Variants in PXDNL observed in about 807,000 individuals in gnomAD.
PXDNL encodes probable oxidoreductase PXDNL.
Under a neutral mutation model 150.8 loss-of-function variants are expected in PXDNL, and 145 were observed. The observed-to-expected ratio is 0.96, with a 90% CI of 0.84 to 1.10. The LOEUF (loss-of-function observed/expected upper bound fraction) is 1.10. Ranked by LOEUF, PXDNL falls within the 50% of genes least tolerant of loss-of-function variation. PXDNL has a pLI of 0.00. For synonymous variants in PXDNL, 757 were observed against 725.7 expected (o/e 1.04, Z -0.69); for missense variants, 2,087 against 1,873.9 (o/e 1.11, Z -2.10).
At chr8:51,528,312 C>T (rs771441867) in intron 4 of PXDNL, among the ~76,000 whole-genome samples, 2 of 152,100 alleles carry the variant, frequency 1.3e-5, no homozygotes, top group Non-Finnish European at 2.9e-5. Context: ...AAAGTGTGTT[C>T]ACCATAGTGC....
At chr8:51,776,516 C>T (rs866872559) in intron 1 of PXDNL, among the ~76,000 whole-genome samples, 4 of 152,098 alleles carry the variant, frequency 2.6e-5, no homozygotes, top group Admixed American at 6.5e-5. Context: ...ATTGAATTAT[C>T]GGGGGCTGGT....
chr8:51,708,402 GAA>G (rs1387031141), intron 1 of PXDNL, among the ~76,000 whole-genome samples: 1 of 152,208 alleles, frequency 6.6e-6, no homozygotes, highest in African/African-American at 2.4e-5. Flanking sequence ...CAATGGAGGT[GAA>G]AAGACAATGG....
Position 51,483,668 on chromosome 8 carries a change from A to T in PXDNL, c.499T>A (p.Ser167Thr). 6.6e-7 allele frequency: 1 copy of T among 1,526,106 alleles called. No homozygotes were observed. The highest frequency in any genetic ancestry group is 1.2e-5 in the South Asian group (1 of 81,852). 94.5% of individuals were successfully genotyped at this position (1,526,106 alleles called of 1,614,324 possible). A position where few individuals can be genotyped will look rare whatever the true frequency, so the allele number is the denominator to read the frequency against. The change falls in exon 6 of 23, where the codon TCT (serine) becomes ACT (threonine). Residue 167 changes from serine to threonine, a missense_variant. Ser to Thr is a moderately conservative substitution (Grantham distance 58, BLOSUM62 1). Coordinates refer to ENST00000356297, the MANE Select transcript of PXDNL (RefSeq NM_144651.5). ...AATCTTTTTAATGAATCCAGATTAG[A>T]AAAGCTCCCAGCTGGAATTTTAGAT... ...KLSKIPAGSF[S>T]NLDSLKRLRL... is the part of the protein sequence containing the mutation.
chr8:51,676,696 T>C (rs1369396024), intron 1 of PXDNL, among the ~76,000 whole-genome samples: 5 of 151,676 alleles, frequency 3.3e-5, no homozygotes, highest in African/African-American at 1.2e-4. Context: ...AATGTATCTC[T>C]TGCCAAATGC....
chr8:51,408,772 C>G lies in PXDNL; in HGVS notation c.2852G>C (p.Ser951Thr). The G allele has an allele frequency of 6.3e-7, 1 of 1,579,294 alleles. No homozygotes were observed. The highest frequency in any genetic ancestry group is 2.3e-5 in the East Asian group (1 of 44,240). Residue 951 changes from serine to threonine, a missense_variant, in exon 17 of 23, where the codon AGC becomes ACC. Transcript: ENST00000356297. ...GTGGTCCCCGGCCAGGAAACAGGGG[C>G]TCTCCTGCTCCTGTCGCGCGCACTC... is the stretch of plus-strand genomic sequence containing the variant. Reference protein sequence around the residue: ...PTECARQEQESPCFLAGDHRA... With the variant: ...PTECARQEQETPCFLAGDHRA...
intron 1 of PXDNL, among the ~76,000 whole-genome samples, chr8:51,694,425 C>A (rs1331345425): frequency 6.6e-6 from 1 of 152,188 alleles, no homozygotes; most frequent in Non-Finnish European, 1.5e-5. Context: ...GGATCACTCA[C>A]ATTCAAGCCT....
chr8:51,518,819 G>A (rs1811598998), intron 4 of PXDNL, among the ~76,000 whole-genome samples: 1 of 152,130 alleles, frequency 6.6e-6, no homozygotes, highest in African/African-American at 2.4e-5. Context: ...CACAAAGAAT[G>A]GGCTCGATAG....
intron 2 of PXDNL, among the ~76,000 whole-genome samples, chr8:51,653,075 T>C (rs150287427): frequency 1.2e-3 from 187 of 152,302 alleles, no homozygotes; most frequent in African/African-American, 4.2e-3. Flanking sequence ...ATCATATACA[T>C]GTTTCAGTAG....
intron 1 of PXDNL, among the ~76,000 whole-genome samples, chr8:51,769,645 T>A (rs1258544087): frequency 6.6e-6 from 1 of 152,224 alleles, no homozygotes; most frequent in Admixed American, 6.5e-5. Context: ...AGAACCACCA[T>A]GCCTTAGAAC....
chr8:51,605,557 C>A (rs1164200451), intron 2 of PXDNL, among the ~76,000 whole-genome samples: 4 of 152,012 alleles, frequency 2.6e-5, no homozygotes, highest in African/African-American at 7.2e-5. Context: ...TTGCTAAATA[C>A]ATTTTAAAAT....
intron 12 of PXDNL, among the ~76,000 whole-genome samples, chr8:51,438,170 A>G (rs1809451633): frequency 6.6e-6 from 1 of 152,226 alleles, no homozygotes; most frequent in South Asian, 2.1e-4. Flanking sequence ...CATAGATGAC[A>G]CAAATGAATT....
Position 51,426,665 on chromosome 8 carries a change from G to A in PXDNL, c.1619C>T (p.Pro540Leu), listed in dbSNP as rs750970073. The A allele has an allele frequency of 3.1e-6, 5 of 1,594,226 alleles. No homozygotes were observed. Among genetic ancestry groups the A allele is most frequent in the Admixed American group, 1.7e-5 (1 of 59,164 alleles). Residue 540 changes from proline (P) to leucine (L), a missense_variant, in exon 13 of 23, where the codon CCC becomes CTC. Transcript: ENST00000356297. ...TCTTACCTTATTCCAAGTAATTATG[G>A]GCTGTGGTTCTCCTTGAGCATGACA... ...ISCHAQGEPQPIITWNKEGVQ... is the reference protein window; with the variant it reads ...ISCHAQGEPQLIITWNKEGVQ...
rs527302231 is a variant in PXDNL, at chr8:51,736,122, A to G, written c.164+73059T>C. Among the ~76,000 whole-genome samples, 76 of 152,314 alleles carry G rather than the reference A, an allele frequency of 5.0e-4. No individual in the cohort carries two copies. In the South Asian group the frequency reaches 6.0e-3, roughly 12 times the overall value. Reference sequence around the variant, plus strand: ...CATTTTTCCTGTGATTTTTATGTCTAAATAAATTAAGAGAGGGGATTTCAA... The same window carrying G: ...CATTTTTCCTGTGATTTTTATGTCTGAATAAATTAAGAGAGGGGATTTCAA... On this transcript the variant is annotated intron_variant, in intron 1 of 22. Coordinates refer to ENST00000356297, the MANE Select transcript of PXDNL (RefSeq NM_144651.5).
At chr8:51,364,963 T>C (rs1806869032) in intron 19 of PXDNL, among the ~76,000 whole-genome samples, 1 of 152,168 alleles carries the variant, frequency 6.6e-6, no homozygotes, top group Non-Finnish European at 1.5e-5. Context: ...ATTTTAGAGA[T>C]GAAGTCTCGC....
chr8:51,417,472 G>T (rs552046640), intron 14 of PXDNL, among the ~76,000 whole-genome samples: 3 of 152,166 alleles, frequency 2.0e-5, no homozygotes, highest in Admixed American at 6.5e-5. Context: ...GGCTCTGGGT[G>T]ACTTGGGGAC....
chr8:51,530,049 G>C (rs73583098), intron 4 of PXDNL, among the ~76,000 whole-genome samples: 3,673 of 152,236 alleles, frequency 0.024, 131 homozygotes, highest in African/African-American at 0.084. Context: ...AAGAGCTTTG[G>C]AGTTCTTGTG....
intron 1 of PXDNL, among the ~76,000 whole-genome samples, chr8:51,708,564 A>G (rs555496835): frequency 1.2e-4 from 19 of 152,344 alleles, no homozygotes; most frequent in Non-Finnish European, 2.1e-4. Context: ...AATGTGGAGT[A>G]CAGGCTGAAA....
chr8:51,445,429 C>T (rs1809652572), intron 12 of PXDNL, among the ~76,000 whole-genome samples: 1 of 152,114 alleles, frequency 6.6e-6, no homozygotes, highest in Non-Finnish European at 1.5e-5. Flanking sequence ...CATATTCATG[C>T]CAATTGCTAG....
intron 2 of PXDNL, among the ~76,000 whole-genome samples, chr8:51,600,050 G>A (rs942684761): frequency 9.2e-5 from 12 of 130,258 alleles, no homozygotes; most frequent in South Asian, 2.6e-4. Context: ...AAATGACATC[G>A]TTTAGATAAT....
Sources: allele counts gnomAD v4.1 joint callset (sites outside exome capture counted in the v4.1 genomes callset), GRCh38; gene constraint gnomAD v4.1.1; transcripts MANE v1.5; gene names NCBI Gene and HGNC (gene_info 2026-07-23, HGNC 2026-07-21).